Variants in PRKG1 observed in about 807,000 individuals in gnomAD.
PRKG1 encodes protein kinase cGMP-dependent 1, also known as cGMP-dependent protein kinase 1.
PRKG1 carries 35 observed loss-of-function variants against 88.1 expected under a neutral mutation model. The observed-to-expected ratio is 0.40, with a 90% CI of 0.30 to 0.53. The LOEUF is 0.53. Ranked by LOEUF, PRKG1 falls within the 20% of genes least tolerant of loss-of-function variation. The pLI is 0.59. For missense variants in PRKG1, 540 were observed against 839.8 expected (o/e 0.64, Z 4.41); for synonymous variants, 303 against 292.5 (o/e 1.04, Z -0.37).
chr10:51,372,657 C>T (rs970558976), intron 2 of PRKG1, among the ~76,000 whole-genome samples: 5 of 152,110 alleles, frequency 3.3e-5, no homozygotes, highest in Non-Finnish European at 5.9e-5. Flanking sequence ...TCTTCTCTTC[C>T]TGAAGCTTTT....
intron 10 of PRKG1, chr10:52,252,611 C>G (rs1490490375): frequency 6.6e-6 from 1 of 151,914 alleles, no homozygotes; most frequent in African/African-American, 2.4e-5. Context: ...GTACATTGAC[C>G]CAGTACTATT....
intron 11 of PRKG1, among the ~76,000 whole-genome samples, chr10:52,271,969 AAAC>A (rs752115376): frequency 1.3e-5 from 2 of 152,062 alleles, no homozygotes; most frequent in African/African-American, 2.4e-5. Flanking sequence ...CATTTACTGA[AAAC>A]AAGATGTAAC....
intron 5 of PRKG1, among the ~76,000 whole-genome samples, chr10:51,958,373 G>A (rs956598097): frequency 1.1e-4 from 16 of 152,122 alleles, no homozygotes; most frequent in South Asian, 2.1e-4. Context: ...ATAGATGAAC[G>A]AAGTTGATAT....
intron 2 of PRKG1, among the ~76,000 whole-genome samples, chr10:51,157,089 G>T (rs938028657): frequency 2.6e-5 from 4 of 151,848 alleles, no homozygotes; most frequent in African/African-American, 9.7e-5. Context: ...TGTTCCAAGT[G>T]TTATTGCATA....
intron 2 of PRKG1, among the ~76,000 whole-genome samples, chr10:51,213,244 C>T (rs963032006): frequency 6.6e-6 from 1 of 151,896 alleles, no homozygotes; most frequent in Non-Finnish European, 1.5e-5. Flanking sequence ...CATGTTTTCA[C>T]TCATAAGTGG....
intron 2 of PRKG1, among the ~76,000 whole-genome samples, chr10:51,318,219 A>C (rs1841370391): frequency 6.6e-6 from 1 of 152,122 alleles, no homozygotes; most frequent in South Asian, 2.1e-4. Flanking sequence ...AAATATGGAA[A>C]TTTATGTTTC....
chr10:51,594,263 A>G (rs1269247157), intron 3 of PRKG1, among the ~76,000 whole-genome samples: 2 of 152,094 alleles, frequency 1.3e-5, no homozygotes, highest in Non-Finnish European at 1.5e-5. Flanking sequence ...CCTGGCCACA[A>G]TTCATCTTCC....
chr10:51,016,756 C>T (rs1177008351), intron 1 of PRKG1, among the ~76,000 whole-genome samples: 4 of 136,162 alleles, frequency 2.9e-5, no homozygotes, highest in Non-Finnish European at 6.1e-5. Context: ...GGAAACTCCA[C>T]CTCCCAGGGT....
intron 5 of PRKG1, among the ~76,000 whole-genome samples, chr10:51,980,478 G>A (rs1843979062): frequency 6.6e-6 from 1 of 152,160 alleles, no homozygotes; most frequent in Admixed American, 6.5e-5. Context: ...GGAGAGTTCT[G>A]TAGAATTTCT....
chr10:52,196,702 A>G (rs867297460), intron 9 of PRKG1, among the ~76,000 whole-genome samples: 2 of 152,156 alleles, frequency 1.3e-5, no homozygotes, highest in South Asian at 4.1e-4. Context: ...TAGAGCTGGT[A>G]TTATTGGGGA....
intron 3 of PRKG1, among the ~76,000 whole-genome samples, chr10:51,590,998 G>A (rs1186258277): frequency 6.6e-6 from 1 of 152,164 alleles, no homozygotes; most frequent in Non-Finnish European, 1.5e-5. Context: ...GGAGTGTACT[G>A]GACATTGATT....
chr10:52,264,553 T>A (rs1841524790), intron 10 of PRKG1, among the ~76,000 whole-genome samples: 2 of 152,094 alleles, frequency 1.3e-5, no homozygotes, highest in Non-Finnish European at 2.9e-5. Context: ...TTACAAAGAC[T>A]TTTTCTCCCA....
chr10:51,737,755 TATTA>T (rs1179998892), intron 3 of PRKG1, among the ~76,000 whole-genome samples: 4 of 109,340 alleles, frequency 3.7e-5, no homozygotes, highest in African/African-American at 1.3e-4. Flanking sequence ...TTATTATTAT[TATTA>T]TTATTATTAT....
At chr10:51,900,295 A>G (rs544624637) in intron 4 of PRKG1, among the ~76,000 whole-genome samples, 8 of 152,308 alleles carry the variant, frequency 5.3e-5, no homozygotes, top group African/African-American at 1.7e-4. Context: ...TAATGTGGAC[A>G]TTCTTTTTTG....
At chr10:51,460,367 T>C (rs1380665547) in intron 2 of PRKG1, among the ~76,000 whole-genome samples, 2 of 152,180 alleles carry the variant, frequency 1.3e-5, no homozygotes, top group Non-Finnish European at 2.9e-5. Flanking sequence ...CCATTCATTC[T>C]TTAGGCTAAT....
chr10:52,125,332 C>T (rs1335963861), intron 7 of PRKG1, among the ~76,000 whole-genome samples: 1 of 152,136 alleles, frequency 6.6e-6, no homozygotes, highest in Non-Finnish European at 1.5e-5. Flanking sequence ...CTTCCTGTAA[C>T]ACATTTCTCC....
rs183691429 is a variant in PRKG1, at chr10:51,750,038, C to T, written c.593-54547C>T. ...GCAACCTCTGCCTCCCAGGTTTAAG[C>T]GATTCTCCTGTCTCAGCCTCCTGAG... On this transcript the variant is annotated intron_variant, in intron 3 of 17. Transcript: ENST00000373980. Among the ~76,000 whole-genome samples, 488 of 150,646 alleles carry T rather than the reference C, an allele frequency of 3.2e-3. 3 individuals carry two copies. Among genetic ancestry groups the T allele is most frequent in the African/African-American group, 0.01 (427 of 40,866 alleles).
chr10:51,672,277 C>T (rs1478229554), intron 3 of PRKG1, among the ~76,000 whole-genome samples: 2 of 152,036 alleles, frequency 1.3e-5, no homozygotes, highest in South Asian at 2.1e-4. Context: ...CTCCTAAGTT[C>T]TTGCTATATT....
intron 3 of PRKG1, among the ~76,000 whole-genome samples, chr10:51,486,406 A>G (rs1265625050): frequency 1.3e-5 from 2 of 152,184 alleles, no homozygotes; most frequent in Non-Finnish European, 2.9e-5. Flanking sequence ...ATGGTTTCAC[A>G]ATTGTATACT....
Sources: allele counts gnomAD v4.1 joint callset (sites outside exome capture counted in the v4.1 genomes callset), GRCh38; gene constraint gnomAD v4.1.1; transcripts MANE v1.5; gene names NCBI Gene and HGNC (gene_info 2026-07-23, HGNC 2026-07-21).